ACSBG1: variants seen among roughly 807,000 people sequenced by gnomAD.
ACSBG1 encodes long-chain-fatty-acid--CoA ligase ACSBG1.
A neutral mutation model predicts 80.2 loss-of-function variants in ACSBG1; 39 were observed. The observed-to-expected ratio is 0.49, with a 90% CI of 0.38 to 0.64. ACSBG1 has a LOEUF of 0.64. Ranked by LOEUF, ACSBG1 falls within the 30% of genes least tolerant of loss-of-function variation. ACSBG1 has a pLI of 0.00. For synonymous variants in ACSBG1, 392 were observed against 379.5 expected, an observed-to-expected ratio of 1.03 and a Z score of -0.38; for missense variants, 828 against 966.4, an observed-to-expected ratio of 0.86 and a Z score of 1.90.
chr15:78,173,170 A>G (rs1418846078), intron 13 of ACSBG1, among the ~76,000 whole-genome samples: 1 of 152,056 alleles, frequency 6.6e-6, no homozygotes, highest in Admixed American at 6.5e-5. Flanking sequence ...ACATGGAGAA[A>G]CCATGTCTCT....
At chr15:78,224,182 G>A (rs1287909661) in intron 1 of ACSBG1, among the ~76,000 whole-genome samples, 1 of 152,176 alleles carries the variant, frequency 6.6e-6, no homozygotes, top group Non-Finnish European at 1.5e-5. Context: ...AACTTCATGA[G>A]TGAGGTTGAA....
At chr15:78,210,261 T>C (rs1434202617) in intron 1 of ACSBG1, among the ~76,000 whole-genome samples, 3 of 152,240 alleles carry the variant, frequency 2.0e-5, no homozygotes, top group Non-Finnish European at 4.4e-5. Flanking sequence ...TCCCTGTGGC[T>C]GGCTCAAGGC....
At chr15:78,196,039 G>A (rs538660230) in intron 2 of ACSBG1, among the ~76,000 whole-genome samples, 2 of 152,316 alleles carry the variant, frequency 1.3e-5, no homozygotes, top group South Asian at 4.1e-4. Context: ...GGATGACAAG[G>A]ACATATCCAG....
intron 2 of ACSBG1, among the ~76,000 whole-genome samples, chr15:78,198,280 AT>A (rs2075133136): frequency 6.6e-6 from 1 of 152,090 alleles, no homozygotes; most frequent in African/African-American, 2.4e-5. Context: ...GCCTCAAGTG[AT>A]TGACCTGCCT....
intron 1 of ACSBG1, among the ~76,000 whole-genome samples, chr15:78,231,533 A>AT (rs2075447413): frequency 6.6e-6 from 1 of 152,048 alleles, no homozygotes; most frequent in East Asian, 1.9e-4. Flanking sequence ...CAATCCACCC[A>AT]TTTTGTCCTA....
chr15:78,189,510 T>C (rs917268611), intron 5 of ACSBG1, among the ~76,000 whole-genome samples: 2 of 152,144 alleles, frequency 1.3e-5, no homozygotes, highest in South Asian at 4.1e-4. Flanking sequence ...GATGAGTTCA[T>C]GTCCTTTGTA....
Position 78,169,076 on chromosome 15 carries a change from A to C in ACSBG1, c.*2368T>G. The C allele has an allele frequency of 1.1e-6, 1 of 880,204 alleles. No homozygotes were observed. Among genetic ancestry groups the C allele is most frequent in the Non-Finnish European group, 1.8e-6 (1 of 550,280 alleles). 54.5% of individuals were successfully genotyped at this position (880,204 alleles called of 1,614,324 possible). A position where few individuals can be genotyped will look rare whatever the true frequency, so the allele number is the denominator to read the frequency against. ...ACATGAACCTCTGTTTAGAATACCT[A>C]CGTATGTATGCATTGGTTTGCTTGT... On this transcript the variant is annotated 3_prime_UTR_variant, in exon 14 of 14. Transcript: ENST00000258873.
At chr15:78,195,079 G>A (rs1052913793) in intron 2 of ACSBG1, among the ~76,000 whole-genome samples, 2 of 152,188 alleles carry the variant, frequency 1.3e-5, no homozygotes, top group Non-Finnish European at 2.9e-5. Context: ...GGTGCCTTCA[G>A]GGTATCTGTC....
At position 78,182,569 on chromosome 15, in the gene ACSBG1, A is replaced by G; in HGVS notation, c.791T>C (p.Leu264Pro). 1.2e-6 allele frequency: 2 copies of G among 1,614,160 alleles called. No homozygotes were observed. The highest frequency in any genetic ancestry group is 1.7e-6 in the Non-Finnish European group (2 of 1,180,010). Residue 264 changes from leucine to proline, a missense_variant, in exon 7 of 14, where the codon CTG becomes CCG. By Grantham distance (98) the Leu-to-Pro change is moderately conservative. Coordinates refer to ENST00000258873, the MANE Select transcript of ACSBG1 (RefSeq NM_015162.5). ...ELGNEVPEEA[L>P]DAIIDTQQPN... The stretch of plus-strand genomic sequence containing the variant: ...CTGCTGGGTGTCAATGATGGCGTCC[A>G]GGGCTTCCTCAGGCACTTCATTCCC...
chr15:78,215,784 A>AAGAAAGAG (rs1555434060), intron 1 of ACSBG1, among the ~76,000 whole-genome samples: 9 of 136,288 alleles, frequency 6.6e-5, no homozygotes, highest in East Asian at 4.6e-4. Context: ...GAAAGAAAGA[A>AAGAAAGAG]AGAGAAAGAA....
chr15:78,211,101 T>C (rs1413950490), intron 1 of ACSBG1, among the ~76,000 whole-genome samples: 1 of 152,170 alleles, frequency 6.6e-6, no homozygotes, highest in African/African-American at 2.4e-5. Flanking sequence ...ATGGAACCTA[T>C]CATGTTTTCT....
chr15:78,234,120 T>C (rs1475990735), intron 1 of ACSBG1, among the ~76,000 whole-genome samples: 2 of 152,210 alleles, frequency 1.3e-5, no homozygotes, highest in Non-Finnish European at 2.9e-5. Context: ...CCAACTGGTC[T>C]CCAACTGCAG....
intron 5 of ACSBG1, among the ~76,000 whole-genome samples, chr15:78,188,364 CA>C (rs1396912708): frequency 6.6e-6 from 1 of 151,794 alleles, no homozygotes; most frequent in Non-Finnish European, 1.5e-5. Context: ...CCTGCATCGC[CA>C]AGTCAATCCT....
chr15:78,233,765 ATCT>A (rs532267695), intron 1 of ACSBG1, among the ~76,000 whole-genome samples: 3 of 152,144 alleles, frequency 2.0e-5, no homozygotes, highest in Non-Finnish European at 2.9e-5. Context: ...ACTGAGTCTC[ATCT>A]TCTCAGGATC....
At chr15:78,187,873 G>C (rs1277911557) in intron 5 of ACSBG1, among the ~76,000 whole-genome samples, 1 of 152,160 alleles carries the variant, frequency 6.6e-6, no homozygotes, top group Non-Finnish European at 1.5e-5. Flanking sequence ...TAGGGAAAGA[G>C]GAAGTCAAAT....
Position 78,223,586 on chromosome 15 carries a change from A to G in ACSBG1, c.131+10785T>C, listed in dbSNP as rs115531307. ...CCAGCTGCCACGTCACAGACACTCA[A>G]ATAGCTTATGGAGAGGCCCACTGGT... is the stretch of plus-strand genomic sequence containing the variant. On this transcript the variant is annotated intron_variant, in intron 1 of 13. Transcript: ENST00000258873. 9.0e-3 allele frequency among the ~76,000 whole-genome samples: 1,364 copies of G among 152,310 alleles called. 17 individuals are homozygous for G. The highest frequency in any genetic ancestry group is 0.031 in the African/African-American group (1,303 of 41,580).
At position 78,214,522 on chromosome 15, in the gene ACSBG1, C is replaced by T. The variant is rs150793623; in HGVS notation, c.132-6420G>A. ...TGGCCCGATTTTGGCTTATTTCAAACTCCACCTCCCAGGTTTAAGTGATTC... is the reference window on the plus strand; with the variant it reads ...TGGCCCGATTTTGGCTTATTTCAAATTCCACCTCCCAGGTTTAAGTGATTC... On this transcript the variant is annotated intron_variant, in intron 1 of 13. Coordinates refer to ENST00000258873, the MANE Select transcript of ACSBG1 (RefSeq NM_015162.5). 6.8e-4 allele frequency among the ~76,000 whole-genome samples: 103 copies of T among 152,302 alleles called. No homozygotes were observed. In the East Asian group the frequency reaches 0.019, roughly 28 times the overall value.
intron 1 of ACSBG1, among the ~76,000 whole-genome samples, chr15:78,212,320 A>C (rs4887017): frequency 1.3e-5 from 2 of 151,882 alleles, no homozygotes; most frequent in African/African-American, 4.8e-5. Flanking sequence ...GGTGATATAT[A>C]AGAAGTGCTT....
intron 5 of ACSBG1, among the ~76,000 whole-genome samples, chr15:78,186,312 C>T (rs1158059230): frequency 1.3e-5 from 2 of 152,170 alleles, no homozygotes; most frequent in Non-Finnish European, 2.9e-5. Context: ...CTCAGCTCTG[C>T]ACCAAGCGGA....
Sources: allele counts gnomAD v4.1 joint callset (sites outside exome capture counted in the v4.1 genomes callset), GRCh38; gene constraint gnomAD v4.1.1; transcripts MANE v1.5; gene names NCBI Gene and HGNC (gene_info 2026-07-23, HGNC 2026-07-21).